Variants in IFT57 observed in about 807,000 individuals in gnomAD.
The protein encoded by IFT57 is intraflagellar transport 57, also known as intraflagellar transport protein 57 homolog.
In IFT57, 59 loss-of-function variants were observed where a neutral mutation model predicts 56.8. The ratio of observed to expected loss-of-function variants is 1.04; its 90% CI spans 0.84 to 1.29. IFT57 has a LOEUF of 1.29. Ranked by LOEUF, IFT57 falls within the 50% of genes most tolerant of loss-of-function variation. The probability of loss-of-function intolerance (pLI) is 0.00; values close to 1 mark genes in which losing one functional copy is unlikely to be tolerated. For synonymous variants in IFT57, 209 were observed against 186.1 expected, an observed-to-expected ratio of 1.12 and a Z score of -1.00; for missense variants, 470 against 522.1, an observed-to-expected ratio of 0.90 and a Z score of 0.97.
At chr3:108,205,454 C>A (rs2108323292) in intron 5 of IFT57, among the ~76,000 whole-genome samples, 1 of 151,882 alleles carries the variant, frequency 6.6e-6, no homozygotes, top group Non-Finnish European at 1.5e-5. Flanking sequence ...AAAACACAGA[C>A]ACATATATGC....
intron 3 of IFT57, 130 bp from the exon 4 acceptor site, chr3:108,214,151 A>G (rs1313022071): frequency 3.6e-6 from 2 of 551,628 alleles, no homozygotes; most frequent in Non-Finnish European, 6.3e-6. Flanking sequence ...ATCACTGTTA[A>G]ATGTTTCATG....
At chr3:108,197,436 C>G (rs1426103556) in intron 5 of IFT57, among the ~76,000 whole-genome samples, 1 of 152,166 alleles carries the variant, frequency 6.6e-6, no homozygotes, top group African/African-American at 2.4e-5. Flanking sequence ...TAACAGTCTA[C>G]ACTATCCCAT....
chr3:108,178,630 T>C (rs562151674), intron 6 of IFT57, among the ~76,000 whole-genome samples: 1 of 151,976 alleles, frequency 6.6e-6, no homozygotes, highest in Admixed American at 6.6e-5. Flanking sequence ...AATAAGCTTA[T>C]GAAAAAGTGG....
At chr3:108,170,663 G>C (rs1181732008) in intron 6 of IFT57, among the ~76,000 whole-genome samples, 1 of 119,370 alleles carries the variant, frequency 8.4e-6, no homozygotes, top group Non-Finnish European at 1.9e-5. Flanking sequence ...AATTTCATGT[G>C]GAACCAAAAA....
At chr3:108,177,965 A>T (rs2080132733) in intron 6 of IFT57, among the ~76,000 whole-genome samples, 1 of 151,850 alleles carries the variant, frequency 6.6e-6, no homozygotes, top group Non-Finnish European at 1.5e-5. Flanking sequence ...TTTAAAGTGA[A>T]TTTAACAAGT....
intron 5 of IFT57, among the ~76,000 whole-genome samples, chr3:108,193,875 C>A (rs370540858): frequency 6.6e-6 from 1 of 152,184 alleles, no homozygotes; most frequent in Non-Finnish European, 1.5e-5. Context: ...GAGTACCTGT[C>A]TTAGACTCTA....
At chr3:108,176,495 C>T (rs1470655445) in intron 6 of IFT57, among the ~76,000 whole-genome samples, 1 of 151,808 alleles carries the variant, frequency 6.6e-6, no homozygotes, top group Non-Finnish European at 1.5e-5. Context: ...GTAAGAAGCA[C>T]AAGAAGTTCT....
At chr3:108,197,507 T>C (rs563791696) in intron 5 of IFT57, among the ~76,000 whole-genome samples, 1 of 152,264 alleles carries the variant, frequency 6.6e-6, no homozygotes, top group Admixed American at 6.5e-5. Flanking sequence ...GAATCAAACA[T>C]ACAGTGTTAA....
rs773744415 is a variant in IFT57 at position 108,220,840 on chromosome 3, T to C, written c.213-1268A>G. On this transcript the variant is annotated intron_variant, in intron 1 of 10. Transcript: ENST00000264538. ...TCTGGTGATCACATTTTGAGAACCA[T>C]TGGACTAGGATATCCCCACACAAAT... 8.5e-5 allele frequency among the ~76,000 whole-genome samples: 13 copies of C among 152,286 alleles called. No homozygotes were observed. The East Asian group carries it at 1.5e-3, about 18-fold the overall frequency.
chr3:108,188,185 G>T (rs1019841745), intron 6 of IFT57, among the ~76,000 whole-genome samples: 4 of 152,024 alleles, frequency 2.6e-5, no homozygotes, highest in Non-Finnish European at 5.9e-5. Flanking sequence ...AGAAGGAAAG[G>T]GTCGACCACG....
chr3:108,205,126 T>C (rs978953217), intron 5 of IFT57, among the ~76,000 whole-genome samples: 11 of 152,128 alleles, frequency 7.2e-5, no homozygotes, highest in African/African-American at 2.7e-4. Context: ...GATAGCTATC[T>C]CCGTTATCAA....
intron 3 of IFT57, among the ~76,000 whole-genome samples, chr3:108,216,921 A>G (rs1259622728): frequency 6.6e-6 from 1 of 152,094 alleles, no homozygotes; most frequent in Admixed American, 6.6e-5. Context: ...TTACCATAGG[A>G]TGGGAAGGGT....
In IFT57 at chr3:108,222,375, T is replaced by C; in HGVS notation, c.-53A>G. 1.3e-6 allele frequency: 2 copies of C among 1,513,212 alleles called. No homozygotes were observed. Among genetic ancestry groups the C allele is most frequent in the Middle Eastern group, 2.5e-4 (1 of 4,036 alleles). 93.7% of individuals were successfully genotyped at this position (1,513,212 alleles called of 1,614,324 possible). On this transcript the variant is annotated 5_prime_UTR_variant, in exon 1 of 11. Coordinates refer to ENST00000264538, the MANE Select transcript of IFT57 (RefSeq NM_018010.4). ...CTCAGGCCCACAGACCTCTGCGGCCTAAGCCGCCAGCCCTGCCGCCGCCAG... is the reference window on the plus strand; with the variant it reads ...CTCAGGCCCACAGACCTCTGCGGCCCAAGCCGCCAGCCCTGCCGCCGCCAG...
At chr3:108,173,901 T>C (rs2080109380) in intron 6 of IFT57, among the ~76,000 whole-genome samples, 1 of 150,462 alleles carries the variant, frequency 6.6e-6, no homozygotes, top group South Asian at 2.1e-4. Context: ...CAAACATGCA[T>C]GCTAACAACA....
At chr3:108,218,031 A>G (rs1302813973) in intron 3 of IFT57, among the ~76,000 whole-genome samples, 2 of 151,910 alleles carry the variant, frequency 1.3e-5, no homozygotes, top group Non-Finnish European at 2.9e-5. Flanking sequence ...GAAATAAAGC[A>G]CTGTCAGGTT....
At chr3:108,164,745 T>C (rs1291910032) in intron 9 of IFT57, among the ~76,000 whole-genome samples, 1 of 152,102 alleles carries the variant, frequency 6.6e-6, no homozygotes, top group East Asian at 1.9e-4. Flanking sequence ...CCTCAAATAA[T>C]CTCTATAAAA....
At chr3:108,220,320 A>G (rs2080398472) in intron 1 of IFT57, among the ~76,000 whole-genome samples, 1 of 152,242 alleles carries the variant, frequency 6.6e-6, no homozygotes, top group Non-Finnish European at 1.5e-5. Context: ...ACTCACTAGC[A>G]ACAACATTCA....
intron 9 of IFT57, among the ~76,000 whole-genome samples, 181 bp downstream of exon 9, chr3:108,165,250 G>C (rs1298227709): frequency 6.6e-6 from 1 of 151,972 alleles, no homozygotes; most frequent in African/African-American, 2.4e-5. Flanking sequence ...GGCATCCTGT[G>C]GAAACAAGAA....
At chr3:108,167,090 C>T in intron 7 of IFT57, 105 bp from the exon 8 acceptor site, 1 of 990,736 alleles carries the variant, frequency 1.0e-6, no homozygotes, top group Non-Finnish European at 1.5e-6. Context: ...TAATCAACTA[C>T]ATGTGCAAAA....
Sources: gnomAD v4.1 joint callset for allele counts (sites outside exome capture counted in the v4.1 genomes callset) on GRCh38, gnomAD v4.1.1 for gene constraint, MANE v1.5 for transcripts, NCBI Gene and HGNC (gene_info 2026-07-23, HGNC 2026-07-21) for gene names.